Variants in GYPE observed in about 807,000 individuals in gnomAD.
GYPE encodes the protein glycophorin E (MNS blood group).
A neutral mutation model predicts 11.6 loss-of-function variants in GYPE; 8 were observed. That is an observed-to-expected ratio of 0.69 (90% CI 0.41 to 1.25). The LOEUF is 1.25. Among genes scored for constraint, GYPE ranks in the 50% most tolerant of loss-of-function variants. The pLI, the probability that GYPE is intolerant of heterozygous loss-of-function variation, is 0.01. For synonymous variants in GYPE, 28 were observed against 29.6 expected (o/e 0.94, Z 0.18); for missense variants, 90 against 92.8 (o/e 0.97, Z 0.12).
intron 1 of GYPE, among the ~76,000 whole-genome samples, chr4:143,889,362 T>C (rs1193592924): frequency 6.6e-6 from 1 of 152,028 alleles, no homozygotes; most frequent in African/African-American, 2.4e-5. Flanking sequence ...GAAATCAAGA[T>C]GAATTTCTGT....
intron 1 of GYPE, 108 bp from the exon 2 acceptor site, chr4:143,880,617 A>T: frequency 2.0e-6 from 3 of 1,526,284 alleles, no homozygotes; most frequent in Admixed American, 3.5e-5. Flanking sequence ...TCCCTGAGCT[A>T]AGCGCTTTGG....
intron 3 of GYPE, 49 bp downstream of exon 3, chr4:143,876,697 G>A (rs937942852): frequency 5.6e-6 from 5 of 887,116 alleles, no homozygotes; most frequent in South Asian, 1.4e-5. Flanking sequence ...AACCCTCCGA[G>A]AGCTGTTCAC....
At chr4:143,884,449 GT>G (rs534426854) in intron 1 of GYPE, among the ~76,000 whole-genome samples, 6 of 44,704 alleles carry the variant, frequency 1.3e-4, no homozygotes, top group African/African-American at 4.0e-4. Context: ...TTTACAAAAG[GT>G]TTTTTTTGGG....
intron 1 of GYPE, among the ~76,000 whole-genome samples, chr4:143,888,141 T>C (rs1744277533): frequency 1.0e-5 from 1 of 95,558 alleles, no homozygotes; most frequent in Admixed American, 1.4e-4. Flanking sequence ...GGATAACGAC[T>C]GGAAATAGCC....
intron 1 of GYPE, among the ~76,000 whole-genome samples, chr4:143,903,524 C>CAAAAAAAAA (rs11400558): frequency 1.8e-4 from 18 of 98,830 alleles, no homozygotes; most frequent in African/African-American, 3.6e-4. Context: ...TTTTTCATAG[C>CAAAAAAAAA]AAAAAAAAAA....
At chr4:143,905,405 G>A in intron 1 of GYPE, 66 bp downstream of exon 1, 2 of 1,609,234 alleles carry the variant, frequency 1.2e-6, no homozygotes. Flanking sequence ...AAATAGGGTA[G>A]TTTACATTTT....
chr4:143,889,860 AC>A (rs1375007893), intron 1 of GYPE, among the ~76,000 whole-genome samples: 3 of 152,194 alleles, frequency 2.0e-5, no homozygotes, highest in Non-Finnish European at 2.9e-5. Context: ...GGAAAAAAAA[AC>A]ATCAGAAACA....
At chr4:143,880,861 C>A (rs572014594) in intron 1 of GYPE, among the ~76,000 whole-genome samples, 1 of 152,026 alleles carries the variant, frequency 6.6e-6, no homozygotes. Context: ...ATGTGATGTG[C>A]ATGTGTTAGT....
chr4:143,892,632 C>T (rs1332068604), intron 1 of GYPE, among the ~76,000 whole-genome samples: 1 of 152,078 alleles, frequency 6.6e-6, no homozygotes. Flanking sequence ...GAGTGAGTCT[C>T]TTAATCCTGA....
At chr4:143,901,616 G>T (rs1476713093) in intron 1 of GYPE, among the ~76,000 whole-genome samples, 1 of 144,244 alleles carries the variant, frequency 6.9e-6, no homozygotes, top group Non-Finnish European at 1.5e-5. Context: ...GCCTGATTTT[G>T]TCAGCACCAT....
chr4:143,876,779 G>T lies in GYPE; in HGVS notation c.213C>A (p.Ile71=), dbSNP rs773053861. 3 of 1,606,186 alleles carry T rather than the reference G, an allele frequency of 1.9e-6. No individual in the cohort carries two copies. The South Asian group carries it at 3.3e-5, about 18-fold the overall frequency. ...GTCATCGAATACAGTAAGAAATTAA[G>T]ATGATCATTCCAACAACAACAAGCA... ...EVMLVVVGMI[I]LISYCIR Residue 71 remains isoleucine (I), a synonymous_variant, in exon 3 of 4, where the codon ATC becomes ATA. Coordinates refer to ENST00000358615, the MANE Select transcript of GYPE (RefSeq NM_198682.3).
At chr4:143,903,082 C>T (rs79701609) in intron 1 of GYPE, among the ~76,000 whole-genome samples, 589 of 145,890 alleles carry the variant, frequency 4.0e-3, no homozygotes, top group East Asian at 8.3e-3. Flanking sequence ...CCTTGTTCCA[C>T]GTTTAGCATA....
chr4:143,871,837 A>G lies in GYPE; in HGVS notation c.*425T>C, dbSNP rs1196515848. On this transcript the variant is annotated 3_prime_UTR_variant, in exon 4 of 4. Coordinates refer to ENST00000358615, the MANE Select transcript of GYPE (RefSeq NM_198682.3). The stretch of plus-strand genomic sequence containing the variant: ...TGGTTGGACAACCGAGTTCTGAGAA[A>G]GGCAGTGATTGAGCAGCTGAATTCC... 1 of 152,202 alleles carries G rather than the reference A, an allele frequency of 6.6e-6. No individual in the cohort carries two copies. The highest frequency in any genetic ancestry group is 1.5e-5 in the Non-Finnish European group (1 of 68,054). The allele number at this position is 152,202 out of a possible 1,614,324, so 9.4% of individuals were successfully genotyped here. A position where few individuals can be genotyped will look rare whatever the true frequency, so the allele number is the denominator to read the frequency against.
chr4:143,899,539 G>T (rs1178483478), intron 1 of GYPE, among the ~76,000 whole-genome samples: 4 of 152,100 alleles, frequency 2.6e-5, no homozygotes, highest in Non-Finnish European at 5.9e-5. Flanking sequence ...GAAGAACAAA[G>T]TTCAGTGAAT....
At chr4:143,900,704 A>G (rs906798356) in intron 1 of GYPE, among the ~76,000 whole-genome samples, 1 of 151,290 alleles carries the variant, frequency 6.6e-6, no homozygotes, top group African/African-American at 2.5e-5. Flanking sequence ...CTTTAAACAC[A>G]TTATTTTAAG....
chr4:143,896,212 G>A (rs1381702436), intron 1 of GYPE, among the ~76,000 whole-genome samples: 4 of 152,076 alleles, frequency 2.6e-5, no homozygotes, highest in Admixed American at 6.6e-5. Flanking sequence ...CCATCAGAGT[G>A]AACAGGCAAC....
intron 1 of GYPE, among the ~76,000 whole-genome samples, chr4:143,890,344 G>A (rs1858318): frequency 0.93 from 141,142 of 152,146 alleles, 66,419 homozygotes; most frequent in East Asian, 1. Context: ...ACCTGTGTCC[G>A]CTTTAGTCTA....
chr4:143,872,580 G>C (rs28734503), intron 3 of GYPE, among the ~76,000 whole-genome samples: 52,022 of 151,684 alleles, frequency 0.34, 9,181 homozygotes, highest in East Asian at 0.59. Context: ...GCTGCTTTGC[G>C]TTGGGTAGGC....
intron 3 of GYPE, chr4:143,873,292 C>T (rs1743679943): frequency 5.4e-6 from 2 of 367,466 alleles, no homozygotes; most frequent in East Asian, 1.4e-4. Context: ...GTAAGACTTA[C>T]ATTAAACTGA....
Sources: gnomAD v4.1 joint callset for allele counts (sites outside exome capture counted in the v4.1 genomes callset) on GRCh38, gnomAD v4.1.1 for gene constraint, MANE v1.5 for transcripts, NCBI Gene and HGNC (gene_info 2026-07-23, HGNC 2026-07-21) for gene names.